Variants in PTPN14 observed in about 807,000 individuals in gnomAD.
The protein encoded by PTPN14 is protein tyrosine phosphatase non-receptor type 14.
Under a neutral mutation model 126.8 loss-of-function variants are expected in PTPN14, and 53 were observed. That is an observed-to-expected ratio of 0.42 (90% CI 0.34 to 0.53). The LOEUF is 0.53. Ranked by LOEUF, PTPN14 falls within the 20% of genes least tolerant of loss-of-function variation. The probability of loss-of-function intolerance (pLI) is 0.08; values close to 1 mark genes in which losing one functional copy is unlikely to be tolerated. For missense variants in PTPN14, 1,257 were observed against 1,552.9 expected, an observed-to-expected ratio of 0.81 and a Z score of 3.20; for synonymous variants, 630 against 599.3, an observed-to-expected ratio of 1.05 and a Z score of -0.75.
intron 2 of PTPN14, among the ~76,000 whole-genome samples, chr1:214,463,467 C>T (rs1446616678): frequency 6.6e-6 from 1 of 152,174 alleles, no homozygotes; most frequent in African/African-American, 2.4e-5. Context: ...AATACCTGAT[C>T]ACTGAAACCA....
intron 3 of PTPN14, among the ~76,000 whole-genome samples, chr1:214,444,403 C>T (rs933261289): frequency 6.6e-6 from 1 of 152,172 alleles, no homozygotes; most frequent in African/African-American, 2.4e-5. Flanking sequence ...CATGCTTAAT[C>T]TTAAGACTTG....
At chr1:214,411,563 T>C (rs1198305487) in intron 5 of PTPN14, 121 bp downstream of exon 5, 1 of 684,806 alleles carries the variant, frequency 1.5e-6, no homozygotes, top group Non-Finnish European at 2.4e-6. Context: ...CCCTACTTTA[T>C]AAACCCATCG....
intron 1 of PTPN14, among the ~76,000 whole-genome samples, chr1:214,514,354 T>C (rs561556117): frequency 1.3e-5 from 2 of 152,324 alleles, no homozygotes; most frequent in African/African-American, 4.8e-5. Flanking sequence ...TGGGTCCTAC[T>C]GATGCATAAG....
At position 214,483,009 on chromosome 1, in the gene PTPN14, C is replaced by G. The variant is rs1239119349; in HGVS notation, c.-154-18052G>C. On this transcript the variant is annotated intron_variant, in intron 1 of 18. Transcript: ENST00000366956. ...ATTCATGTTTGTCTCCAATACCATT[C>G]CCCCCATACTATTTCTGCAAGAATA... is the stretch of plus-strand genomic sequence containing the variant. The G allele has an allele frequency of 6.0e-5, 86 of 1,433,384 alleles. No homozygotes were observed. The African/African-American group carries it at 1.7e-3, about 29-fold the overall frequency. 88.8% of individuals were successfully genotyped at this position (1,433,384 alleles called of 1,614,324 possible). A position where few individuals can be genotyped will look rare whatever the true frequency, so the allele number is the denominator to read the frequency against.
intron 17 of PTPN14, among the ~76,000 whole-genome samples, chr1:214,367,388 C>T (rs971117697): frequency 4.6e-5 from 7 of 152,166 alleles, no homozygotes; most frequent in African/African-American, 1.7e-4. Flanking sequence ...CAAGTACCAT[C>T]GTCACTTTCA....
intron 3 of PTPN14, among the ~76,000 whole-genome samples, chr1:214,428,504 G>C (rs1220282792): frequency 6.6e-6 from 1 of 152,192 alleles, no homozygotes; most frequent in Non-Finnish European, 1.5e-5. Flanking sequence ...CTTTGATATA[G>C]TAATGGATTC....
chr1:214,374,585 T>A (rs1658297174), intron 15 of PTPN14, among the ~76,000 whole-genome samples: 1 of 152,178 alleles, frequency 6.6e-6, no homozygotes, highest in Admixed American at 6.5e-5. Flanking sequence ...AGCAAATAAA[T>A]CTCTGTTCTG....
intron 3 of PTPN14, among the ~76,000 whole-genome samples, chr1:214,417,737 T>TG (rs1209091986): frequency 6.6e-6 from 1 of 152,198 alleles, no homozygotes; most frequent in Non-Finnish European, 1.5e-5. Flanking sequence ...TCTGAAAGCA[T>TG]GGGCTGTATT....
At chr1:214,537,551 C>T (rs150319395) in intron 1 of PTPN14, among the ~76,000 whole-genome samples, 8 of 152,262 alleles carry the variant, frequency 5.3e-5, no homozygotes, top group African/African-American at 1.4e-4. Flanking sequence ...ACAGGGTTGC[C>T]GTAAGGATCA....
chr1:214,390,179 T>C lies in PTPN14; in HGVS notation c.987+809A>G, dbSNP rs141062360. Among the ~76,000 whole-genome samples, 528 of 152,354 alleles carry C rather than the reference T, an allele frequency of 3.5e-3. 4 individuals are homozygous for C. The highest frequency in any genetic ancestry group is 0.012 in the African/African-American group (509 of 41,584). On this transcript the variant is annotated intron_variant, in intron 11 of 18. Transcript: ENST00000366956. ...GAAGTTAAAAGGTCATATGCTTATT[T>C]TGATTTTGTGTAAAAAAATCATGAC... is the stretch of plus-strand genomic sequence containing the variant.
chr1:214,454,082 T>TTTGGATGCCTAGGAGTGAGTC, intron 2 of PTPN14, among the ~76,000 whole-genome samples: 1 of 152,324 alleles, frequency 6.6e-6, no homozygotes, highest in African/African-American at 2.4e-5. Context: ...TCCACGGTAT[T>TTTGGATGCCTAGGAGTGAGTC]TTGGATGCCT....
chr1:214,398,020 AG>A lies in PTPN14; in HGVS notation c.670-20del. On this transcript the variant is annotated intron_variant, in intron 7 of 18. Coordinates refer to ENST00000366956, the MANE Select transcript of PTPN14 (RefSeq NM_005401.5). ...GATTGTCCTGGGTAAGACCAACAAA[AG>A]ATACTTGTGATGACCCATGTTCACT... is the stretch of plus-strand genomic sequence containing the variant. 6.4e-7 allele frequency: 1 copy of A among 1,572,014 alleles called. No individual in the cohort carries two copies. Among genetic ancestry groups the A allele is most frequent in the Non-Finnish European group, 8.7e-7 (1 of 1,142,954 alleles).
At chr1:214,387,267 G>A (rs891969313) in intron 11 of PTPN14, among the ~76,000 whole-genome samples, 7 of 152,314 alleles carry the variant, frequency 4.6e-5, no homozygotes, top group African/African-American at 1.7e-4. Flanking sequence ...TTTAGAAAAG[G>A]TAAATTATTC....
At chr1:214,441,470 C>A (rs1289173521) in intron 3 of PTPN14, among the ~76,000 whole-genome samples, 1 of 152,182 alleles carries the variant, frequency 6.6e-6, no homozygotes, top group Non-Finnish European at 1.5e-5. Context: ...CACTTCCTTC[C>A]TCTCCACCCA....
At chr1:214,535,608 T>C (rs191631406) in intron 1 of PTPN14, among the ~76,000 whole-genome samples, 2 of 151,954 alleles carry the variant, frequency 1.3e-5, no homozygotes, top group Admixed American at 6.6e-5. Context: ...TGAAACCCCA[T>C]CTCTACTAAA....
rs1345929632 is a variant in PTPN14 at position 214,369,521 on chromosome 1, C to T, written c.3207G>A (p.Val1069=). 1.2e-6 allele frequency: 2 copies of T among 1,614,054 alleles called. No individual in the cohort carries two copies. Among genetic ancestry groups the T allele is most frequent in the Non-Finnish European group, 1.7e-6 (2 of 1,180,056 alleles). ...KHLLSGQERT[V]WHLQYTDWPD... ...GCCAGTCAGTATATTGTAAATGCCA[C>T]ACCGTCCTTTCTTGCCCAGACAAAA... Residue 1069 remains valine (V), a synonymous_variant, in exon 17 of 19, where the codon GTG becomes GTA. Coordinates refer to ENST00000366956, the MANE Select transcript of PTPN14 (RefSeq NM_005401.5).
chr1:214,352,835 G>A lies in PTPN14; in HGVS notation c.*5087C>T, dbSNP rs1381737932. The A allele has an allele frequency of 6.6e-6, 1 of 152,142 alleles. No homozygotes were observed. The highest frequency in any genetic ancestry group is 1.5e-5 in the Non-Finnish European group (1 of 68,024). The allele number at this position is 152,142 out of a possible 1,614,324, so 9.4% of individuals were successfully genotyped here. ...AAATCACTAAATAAGAGCATGATGA[G>A]TGTCTCAAAACCATTGGCAATATAA... is the stretch of plus-strand genomic sequence containing the variant. On this transcript the variant is annotated 3_prime_UTR_variant, in exon 19 of 19. Transcript: ENST00000366956.
intron 3 of PTPN14, among the ~76,000 whole-genome samples, chr1:214,432,479 T>C (rs1403068215): frequency 2.0e-5 from 3 of 152,210 alleles, no homozygotes; most frequent in Non-Finnish European, 2.9e-5. Flanking sequence ...TGAGAGCCTG[T>C]GTGAGACTGT....
At chr1:214,521,426 A>C (rs1655251545) in intron 1 of PTPN14, among the ~76,000 whole-genome samples, 1 of 152,240 alleles carries the variant, frequency 6.6e-6, no homozygotes, top group South Asian at 2.1e-4. Flanking sequence ...GAAACAAGAA[A>C]GAACGGCCAG....
Sources: gnomAD v4.1 joint callset for allele counts (sites outside exome capture counted in the v4.1 genomes callset) on GRCh38, gnomAD v4.1.1 for gene constraint, MANE v1.5 for transcripts, NCBI Gene and HGNC (gene_info 2026-07-23, HGNC 2026-07-21) for gene names.